Variants in SLMAP observed in about 807,000 individuals in gnomAD.
SLMAP encodes the protein sarcolemma associated protein.
SLMAP carries 44 observed loss-of-function variants against 128.8 expected under a neutral mutation model. The ratio of observed to expected loss-of-function variants is 0.34; its 90% CI spans 0.27 to 0.44. The LOEUF is 0.44. SLMAP is among the 20% of genes least tolerant of loss of function. SLMAP has a pLI of 1.00. For missense variants in SLMAP, 787 were observed against 985.3 expected, an observed-to-expected ratio of 0.80 and a Z score of 2.69; for synonymous variants, 327 against 348.8, an observed-to-expected ratio of 0.94 and a Z score of 0.70.
chr3:57,836,052 A>T (rs1268665160), intron 3 of SLMAP, among the ~76,000 whole-genome samples: 2 of 152,194 alleles, frequency 1.3e-5, no homozygotes, highest in Non-Finnish European at 2.9e-5. Flanking sequence ...AGAAAAAATT[A>T]TATTAATTGC....
chr3:57,805,941 C>T (rs935133291), intron 2 of SLMAP, among the ~76,000 whole-genome samples: 2 of 152,174 alleles, frequency 1.3e-5, no homozygotes, highest in Admixed American at 1.3e-4. Context: ...CATGGGACAG[C>T]TCCTTCAGGA....
Position 57,769,525 on chromosome 3 carries a change from A to G in SLMAP, c.198+11676A>G, listed in dbSNP as rs149783513. On this transcript the variant is annotated intron_variant, in intron 2 of 24. Transcript: ENST00000671191. ...TTTTTTTAAGACACAAGGTCTCACTATGTTGCCCGGCTGGTCTCAAATTCC... is the reference window on the plus strand; with the variant it reads ...TTTTTTTAAGACACAAGGTCTCACTGTGTTGCCCGGCTGGTCTCAAATTCC... Among the ~76,000 whole-genome samples, 24 of 151,760 alleles carry G rather than the reference A, an allele frequency of 1.6e-4. No individual in the cohort carries two copies. In the East Asian group the frequency reaches 2.9e-3, roughly 18 times the overall value.
In SLMAP at chr3:57,814,054, T is replaced by G. The variant is rs536071953; in HGVS notation, c.199-17329T>G. Among the ~76,000 whole-genome samples, 3 of 152,238 alleles carry G rather than the reference T, an allele frequency of 2.0e-5. No homozygotes were observed. In the East Asian group the frequency reaches 5.8e-4, roughly 29 times the overall value. On this transcript the variant is annotated intron_variant, in intron 2 of 24. Coordinates refer to ENST00000671191, the MANE Select transcript of SLMAP (RefSeq NM_001377540.1). ...TGTGTCCCAAGTAGCATTTTGAGTTTTGAATAGAGTGAGTTATGACCTTCT... is the reference window on the plus strand; with the variant it reads ...TGTGTCCCAAGTAGCATTTTGAGTTGTGAATAGAGTGAGTTATGACCTTCT...
intron 13 of SLMAP, among the ~76,000 whole-genome samples, chr3:57,870,257 A>G (rs1354956504): frequency 6.6e-6 from 1 of 152,172 alleles, no homozygotes; most frequent in Admixed American, 6.6e-5. Context: ...AATGGGATTT[A>G]TGAAAAACAA....
intron 6 of SLMAP, among the ~76,000 whole-genome samples, chr3:57,853,872 C>T (rs1418000713): frequency 1.4e-5 from 2 of 142,408 alleles, no homozygotes; most frequent in Non-Finnish European, 3.0e-5. Context: ...ACCCAGGAGG[C>T]GGAGGCTGCG....
intron 2 of SLMAP, among the ~76,000 whole-genome samples, chr3:57,765,886 A>G (rs1376635063): frequency 6.6e-6 from 1 of 152,180 alleles, no homozygotes; most frequent in Non-Finnish European, 1.5e-5. Context: ...CAAATTGTTA[A>G]AAATATCGAC....
At chr3:57,849,188 C>A (rs1380619705) in intron 5 of SLMAP, among the ~76,000 whole-genome samples, 2 of 152,070 alleles carry the variant, frequency 1.3e-5, no homozygotes, top group African/African-American at 4.8e-5. Flanking sequence ...TGCGCCCGGC[C>A]CTTTTTTGTT....
intron 14 of SLMAP, among the ~76,000 whole-genome samples, chr3:57,884,003 C>T (rs1195100902): frequency 6.9e-6 from 1 of 144,702 alleles, no homozygotes; most frequent in Admixed American, 7.2e-5. Flanking sequence ...ATGATCTTGG[C>T]TCACTGCAGC....
At chr3:57,909,913 ATT>A (rs202241053) in intron 19 of SLMAP, among the ~76,000 whole-genome samples, 266 of 144,364 alleles carry the variant, frequency 1.8e-3, no homozygotes, top group Admixed American at 2.0e-3. Context: ...CGCCTGGCCT[ATT>A]TTTTTTTTTT....
At chr3:57,781,258 T>C (rs2153460100) in intron 2 of SLMAP, among the ~76,000 whole-genome samples, 1 of 152,068 alleles carries the variant, frequency 6.6e-6, no homozygotes, top group East Asian at 1.9e-4. Context: ...TTTCTTAAAT[T>C]CCAAAGGTTT....
chr3:57,851,426 A>G (rs2094496035), intron 6 of SLMAP, among the ~76,000 whole-genome samples: 1 of 149,614 alleles, frequency 6.7e-6, no homozygotes, highest in Admixed American at 6.7e-5. Context: ...GAGCATGGTT[A>G]AAGAAAACTC....
At chr3:57,841,927 A>G (rs550515897) in intron 4 of SLMAP, among the ~76,000 whole-genome samples, 10 of 152,194 alleles carry the variant, frequency 6.6e-5, no homozygotes, top group Non-Finnish European at 1.5e-4. Context: ...CTAGATTTTT[A>G]AAAGCATATG....
In SLMAP at chr3:57,885,203, G is replaced by T. The variant is rs2153639358; in HGVS notation, c.1301-4838G>T. Among the ~76,000 whole-genome samples the T allele has an allele frequency of 1.3e-5, 2 of 151,450 alleles. 1 individual carries two copies. Among genetic ancestry groups the T allele is most frequent in the South Asian group, 4.2e-4 (2 of 4,816 alleles). On this transcript the variant is annotated intron_variant, in intron 14 of 24. Coordinates refer to ENST00000671191, the MANE Select transcript of SLMAP (RefSeq NM_001377540.1). ...TTCTCCTGCCTCAGCCTCCTGAGTA[G>T]CTGGGATTATAGGCACCCACCACCA...
chr3:57,758,219 G>T (rs1236297591), intron 2 of SLMAP, among the ~76,000 whole-genome samples: 3 of 152,170 alleles, frequency 2.0e-5, no homozygotes, highest in African/African-American at 7.2e-5. Context: ...GCAATTCGGG[G>T]AATCCGTGGC....
intron 6 of SLMAP, among the ~76,000 whole-genome samples, chr3:57,856,234 A>G (rs78776087): frequency 0.021 from 3,188 of 152,126 alleles, 43 homozygotes; most frequent in Non-Finnish European, 0.028. Context: ...AAAAAAAGAA[A>G]AAAAAGTTCT....
chr3:57,858,826 C>T (rs902062520), intron 8 of SLMAP, among the ~76,000 whole-genome samples: 2 of 151,982 alleles, frequency 1.3e-5, no homozygotes, highest in East Asian at 3.9e-4. Flanking sequence ...CCTGTAATCC[C>T]AGCTACTCAG....
At chr3:57,858,010 T>A in intron 7 of SLMAP, 78 bp from the exon 8 acceptor site, 1 of 1,028,952 alleles carries the variant, frequency 9.7e-7, no homozygotes, top group Non-Finnish European at 1.5e-6. Context: ...TCTTTTGTTG[T>A]CAGTAGCAAC....
chr3:57,922,425 C>CT (rs72397483), intron 22 of SLMAP, among the ~76,000 whole-genome samples: 2,866 of 124,992 alleles, frequency 0.023, 46 homozygotes, highest in East Asian at 0.034. Context: ...AAAGGCTTTT[C>CT]TTTTTTTTTT....
At chr3:57,905,666 G>A (rs567032552) in intron 17 of SLMAP, among the ~76,000 whole-genome samples, 2 of 152,206 alleles carry the variant, frequency 1.3e-5, no homozygotes, top group South Asian at 2.1e-4. Flanking sequence ...TATCTGCAAC[G>A]TATTTATTTG....
Sources: allele counts gnomAD v4.1 joint callset (sites outside exome capture counted in the v4.1 genomes callset), GRCh38; gene constraint gnomAD v4.1.1; transcripts MANE v1.5; gene names NCBI Gene and HGNC (gene_info 2026-07-23, HGNC 2026-07-21).